ACSM2B: variants seen among roughly 807,000 people sequenced by gnomAD.
ACSM2B encodes the protein acyl-CoA synthetase medium chain family member 2B.
Under a neutral mutation model 78.6 loss-of-function variants are expected in ACSM2B, and 58 were observed. The ratio of observed to expected loss-of-function variants is 0.74; its 90% CI spans 0.60 to 0.92. ACSM2B has a LOEUF of 0.92. ACSM2B is among the 40% of genes least tolerant of loss of function. The pLI is 0.00. For synonymous variants in ACSM2B, 257 were observed against 256.8 expected (o/e 1.00, Z -0.01); for missense variants, 688 against 711.2 (o/e 0.97, Z 0.37).
chr16:20,549,759 A>C, intron 6 of ACSM2B: 1 of 450,926 alleles, frequency 2.2e-6, no homozygotes, highest in Non-Finnish European at 4.4e-6. Flanking sequence ...TCAATCAAAC[A>C]CATTTAAAAA....
At chr16:20,549,996 T>C (rs1003622320) in intron 6 of ACSM2B, 5 of 272,412 alleles carry the variant, frequency 1.8e-5, no homozygotes, top group African/African-American at 1.2e-4. Context: ...GAATAGGTTT[T>C]AATTTTTTTT....
At position 20,540,733 on chromosome 16, in the gene ACSM2B, G is replaced by T; in HGVS notation, c.1550C>A (p.Ser517Tyr). 1 of 1,614,094 alleles carries T rather than the reference G, an allele frequency of 6.2e-7. No homozygotes were observed. The highest frequency in any genetic ancestry group is 1.3e-5 in the African/African-American group (1 of 75,024). Residue 517 changes from serine to tyrosine, a missense_variant, in exon 13 of 14, where the codon TCC becomes TAC. Coordinates refer to ENST00000329697, the MANE Select transcript of ACSM2B (RefSeq NM_001105069.2). Reference sequence around the variant, plus strand: ...CTTGGTGAGCTGTTCTGGGTCATGGGATAGGAACTGCGAGGCCAGGATCAC... The same window carrying T: ...CTTGGTGAGCTGTTCTGGGTCATGGTATAGGAACTGCGAGGCCAGGATCAC... ...AFVILASQFL[S>Y]HDPEQLTKEL...
At chr16:20,540,100 C>G (rs1401741102) in intron 13 of ACSM2B, among the ~76,000 whole-genome samples, 1 of 152,132 alleles carries the variant, frequency 6.6e-6, no homozygotes, top group Non-Finnish European at 1.5e-5. Flanking sequence ...AACTTATTCC[C>G]TTGACAGCAT....
At chr16:20,575,311 ACT>A (rs1335344241) in intron 1 of ACSM2B, 9 of 151,850 alleles carry the variant, frequency 5.9e-5, no homozygotes, top group African/African-American at 1.7e-4. Context: ...ATACATATAA[ACT>A]CATATATATA....
intron 1 of ACSM2B, among the ~76,000 whole-genome samples, chr16:20,570,361 A>C (rs889758778): frequency 6.6e-6 from 1 of 151,908 alleles, no homozygotes; most frequent in African/African-American, 2.4e-5. Context: ...GGTGTATCAC[A>C]TTTATTGACT....
At chr16:20,567,973 T>C (rs117694116) in intron 1 of ACSM2B, among the ~76,000 whole-genome samples, 14,967 of 142,952 alleles carry the variant, frequency 0.1, 1,275 homozygotes, top group East Asian at 0.49. Flanking sequence ...ATATTTTATA[T>C]ATAAAATATT....
chr16:20,539,184 CT>C (rs1808426084), intron 13 of ACSM2B, among the ~76,000 whole-genome samples: 1 of 142,322 alleles, frequency 7.0e-6, no homozygotes, highest in African/African-American at 2.6e-5. Context: ...AGTTCTGCTC[CT>C]TTCTTTCCCT....
rs774000989 is a variant in ACSM2B at position 20,568,698 on chromosome 16, TC to T, written c.-8-3846del. ...ATTCCCACCGGCAGTGTAGAAGTGT[TC>T]CCTTTTCACCACATCCACACCAACA... On this transcript the variant is annotated intron_variant, in intron 1 of 13. Coordinates refer to ENST00000329697, the MANE Select transcript of ACSM2B (RefSeq NM_001105069.2). Among the ~76,000 whole-genome samples the T allele has an allele frequency of 4.9e-4, 75 of 151,950 alleles. 1 individual carries two copies. The highest frequency in any genetic ancestry group is 9.4e-4 in the Non-Finnish European group (64 of 67,890).
At chr16:20,554,340 G>A (rs967559469) in intron 4 of ACSM2B, among the ~76,000 whole-genome samples, 11 of 152,126 alleles carry the variant, frequency 7.2e-5, no homozygotes, top group East Asian at 3.9e-4. Context: ...GAATTAATAC[G>A]AGTTTTCCAA....
chr16:20,562,993 A>G (rs1326124659), intron 2 of ACSM2B, among the ~76,000 whole-genome samples: 1 of 152,076 alleles, frequency 6.6e-6, no homozygotes, highest in Non-Finnish European at 1.5e-5. Flanking sequence ...ACATCTCTAT[A>G]ATTCCATTCC....
chr16:20,559,836 T>A (rs1335024957), intron 2 of ACSM2B, among the ~76,000 whole-genome samples: 2 of 151,060 alleles, frequency 1.3e-5, no homozygotes, highest in South Asian at 2.1e-4. Context: ...CTTAGTAGAA[T>A]AACATTGGAT....
At chr16:20,546,085 T>C (rs773297513) in intron 9 of ACSM2B, among the ~76,000 whole-genome samples, 2 of 152,212 alleles carry the variant, frequency 1.3e-5, no homozygotes, top group Non-Finnish European at 2.9e-5. Context: ...AAAAGCTAGT[T>C]ACAAAATATT....
chr16:20,553,901 G>C lies in ACSM2B; in HGVS notation c.616C>G (p.His206Asp). ...KLLNEASTTH[H>D]CVETGSQEAS... ...TCCTGGCTTCCAGTCTCCACACAGT[G>C]ATGAGTGGTGGATGCCTCACTGACA... Residue 206 changes from histidine (H) to aspartate (D), a missense_variant, in exon 5 of 14, where the codon CAC becomes GAC. Transcript: ENST00000329697. The C allele has an allele frequency of 6.2e-7, 1 of 1,613,792 alleles. No homozygotes were observed. Among genetic ancestry groups the C allele is most frequent in the Middle Eastern group, 1.7e-4 (1 of 6,016 alleles).
chr16:20,563,385 C>G (rs1459318014), intron 2 of ACSM2B, among the ~76,000 whole-genome samples: 1 of 151,978 alleles, frequency 6.6e-6, no homozygotes, highest in Non-Finnish European at 1.5e-5. Context: ...ATATTATTAA[C>G]GTTTTTGCTG....
Position 20,546,602 on chromosome 16 carries a change from G to A in ACSM2B, c.1099-128C>T. The A allele has an allele frequency of 2.2e-6, 3 of 1,393,502 alleles. No individual in the cohort carries two copies. The South Asian group carries it at 5.6e-5, about 26-fold the overall frequency. The allele number at this position is 1,393,502 out of a possible 1,614,324, so 86.3% of individuals were successfully genotyped here. ...TGGCCTGCACTTGGTGGCTCCCCCT[G>A]CTCCTCATTCCCTGGCTCTCTCCCC... On this transcript the variant is annotated intron_variant, in intron 8 of 13. Coordinates refer to ENST00000329697, the MANE Select transcript of ACSM2B (RefSeq NM_001105069.2).
At chr16:20,567,810 G>T (rs1299403304) in intron 1 of ACSM2B, among the ~76,000 whole-genome samples, 2 of 137,778 alleles carry the variant, frequency 1.5e-5, no homozygotes, top group Admixed American at 1.6e-4. Flanking sequence ...TAATAGTATG[G>T]TATGTATAGA....
At chr16:20,540,828 T>C in intron 12 of ACSM2B, 55 bp from the exon 13 acceptor site, 3 of 1,582,662 alleles carry the variant, frequency 1.9e-6, no homozygotes, top group Non-Finnish European at 8.6e-7. Flanking sequence ...AGTCATCTCC[T>C]GGAATAATGT....
chr16:20,542,901 G>A lies in ACSM2B; in HGVS notation c.1509+13C>T. On this transcript the variant is annotated intron_variant, in intron 12 of 13. Coordinates refer to ENST00000329697, the MANE Select transcript of ACSM2B (RefSeq NM_001105069.2). ...CATATCTGTTCACCCCCAGGCTACT[G>A]CTTCCCCATCACCTCTCCTCGGACG... The A allele has an allele frequency of 6.2e-7, 1 of 1,613,578 alleles. No individual in the cohort carries two copies.
chr16:20,566,247 TTATATATATATATATATATATATATA>T (rs200052689), intron 1 of ACSM2B, among the ~76,000 whole-genome samples: 2 of 69,980 alleles, frequency 2.9e-5, no homozygotes, highest in African/African-American at 1.1e-4. Flanking sequence ...TCATGGAAGA[TTATATATATATATATATATATATATA>T]TATATATATA....
Sources: allele counts gnomAD v4.1 joint callset (sites outside exome capture counted in the v4.1 genomes callset), GRCh38; gene constraint gnomAD v4.1.1; transcripts MANE v1.5; gene names NCBI Gene and HGNC (gene_info 2026-07-23, HGNC 2026-07-21).